Variants in GRK3 observed in about 807,000 individuals in gnomAD.
GRK3 encodes the protein adrenergic, beta, receptor kinase 2.
GRK3 carries 54 observed loss-of-function variants against 95.7 expected under a neutral mutation model. The observed-to-expected ratio is 0.56, with a 90% CI of 0.45 to 0.71. The LOEUF (loss-of-function observed/expected upper bound fraction) is 0.71. GRK3 is among the 30% of genes least tolerant of loss of function. GRK3 has a pLI of 0.00. For synonymous variants in GRK3, 281 were observed against 290.8 expected (o/e 0.97, Z 0.34); for missense variants, 649 against 851.2 (o/e 0.76, Z 2.96).
At chr22:25,693,589 A>G (rs2085182199) in intron 12 of GRK3, among the ~76,000 whole-genome samples, 3 of 152,028 alleles carry the variant, frequency 2.0e-5, no homozygotes, top group Non-Finnish European at 4.4e-5. Flanking sequence ...GGGCTGATTG[A>G]GCTTTCCAGA....
At chr22:25,701,786 C>T (rs1443023560) in intron 13 of GRK3, among the ~76,000 whole-genome samples, 1 of 152,078 alleles carries the variant, frequency 6.6e-6, no homozygotes, top group Non-Finnish European at 1.5e-5. Flanking sequence ...GGAACATCGT[C>T]GGGTGGAAAC....
intron 3 of GRK3, among the ~76,000 whole-genome samples, chr22:25,645,638 G>A (rs2084775762): frequency 6.6e-6 from 1 of 152,124 alleles, no homozygotes; most frequent in African/African-American, 2.4e-5. Context: ...CAGGATCAAA[G>A]CAGGCCAGGC....
chr22:25,592,021 A>G (rs1198412148), intron 1 of GRK3, among the ~76,000 whole-genome samples: 1 of 152,204 alleles, frequency 6.6e-6, no homozygotes, highest in African/African-American at 2.4e-5. Flanking sequence ...GATTTATCAA[A>G]TGGTAGGTGT....
chr22:25,574,449 G>A (rs917864631), intron 1 of GRK3, among the ~76,000 whole-genome samples: 1 of 152,206 alleles, frequency 6.6e-6, no homozygotes, highest in African/African-American at 2.4e-5. Flanking sequence ...CTGAAATCAT[G>A]TCACTGCACT....
At chr22:25,605,426 C>T (rs554774157) in intron 2 of GRK3, among the ~76,000 whole-genome samples, 1 of 152,144 alleles carries the variant, frequency 6.6e-6, no homozygotes, top group African/African-American at 2.4e-5. Flanking sequence ...CACAGATGTT[C>T]TCCTTTGCTT....
intron 18 of GRK3, 67 bp downstream of exon 18, chr22:25,714,637 G>C: frequency 7.0e-7 from 1 of 1,434,754 alleles, no homozygotes; most frequent in Non-Finnish European, 9.3e-7. Context: ...TTGTAAAGCT[G>C]AAAAAGTATT....
intron 2 of GRK3, among the ~76,000 whole-genome samples, chr22:25,623,080 C>G (rs1198184476): frequency 6.6e-6 from 1 of 152,058 alleles, no homozygotes; most frequent in Non-Finnish European, 1.5e-5. Flanking sequence ...TAGCTGAAAA[C>G]ACAGGTGTGT....
Position 25,631,834 on chromosome 22 carries a change from C to T in GRK3, c.191-12758C>T, listed in dbSNP as rs111887223. Reference sequence around the variant, plus strand: ...CCAGAATGTCTTATAAGTGGAATCACTTAGCATGTAACCTTTTGTTCCTTT... The same window carrying T: ...CCAGAATGTCTTATAAGTGGAATCATTTAGCATGTAACCTTTTGTTCCTTT... On this transcript the variant is annotated intron_variant, in intron 2 of 20. Transcript: ENST00000324198. Among the ~76,000 whole-genome samples the T allele has an allele frequency of 6.7e-3, 1,020 of 152,270 alleles. 18 individuals carry two copies. Among genetic ancestry groups the T allele is most frequent in the African/African-American group, 0.023 (952 of 41,542 alleles).
intron 1 of GRK3, among the ~76,000 whole-genome samples, chr22:25,597,831 GAAAAC>G (rs551623543): frequency 4.3e-4 from 65 of 152,290 alleles, no homozygotes; most frequent in African/African-American, 1.4e-3. Flanking sequence ...AGTGCTGAGA[GAAAAC>G]AAAACAAACC....
intron 1 of GRK3, among the ~76,000 whole-genome samples, chr22:25,599,024 A>G (rs1033146288): frequency 6.6e-6 from 1 of 152,124 alleles, no homozygotes; most frequent in South Asian, 2.1e-4. Context: ...ACAAAAACAA[A>G]CCAAAATCCC....
chr22:25,604,552 T>C, intron 2 of GRK3, 99 bp downstream of exon 2: 1 of 657,562 alleles, frequency 1.5e-6, no homozygotes, highest in Non-Finnish European at 2.5e-6. Flanking sequence ...CTTTATATCC[T>C]CTATAGCTGT....
At chr22:25,612,599 C>A (rs1464231245) in intron 2 of GRK3, among the ~76,000 whole-genome samples, 1 of 151,876 alleles carries the variant, frequency 6.6e-6, no homozygotes, top group Non-Finnish European at 1.5e-5. Context: ...TTCTTTGTTT[C>A]CAGTCTGGTG....
chr22:25,579,926 T>C (rs1932042522), intron 1 of GRK3, among the ~76,000 whole-genome samples: 2 of 152,190 alleles, frequency 1.3e-5, no homozygotes, highest in African/African-American at 4.8e-5. Context: ...TGATGGGGAA[T>C]TTCAGATGGA....
intron 3 of GRK3, among the ~76,000 whole-genome samples, chr22:25,647,020 C>CAAAAAAAAAAAAAA (rs1025786169): frequency 9.3e-5 from 5 of 54,006 alleles, no homozygotes; most frequent in Admixed American, 2.1e-4. Context: ...GACTTTGTCT[C>CAAAAAAAAAAAAAA]AAAAAAAAAA....
intron 2 of GRK3, among the ~76,000 whole-genome samples, chr22:25,628,339 GTT>G (rs1221019080): frequency 6.6e-6 from 1 of 152,180 alleles, no homozygotes; most frequent in Non-Finnish European, 1.5e-5. Flanking sequence ...TAACTTACAA[GTT>G]TTTCTCTGAG....
Position 25,564,777 on chromosome 22 carries a change from G to GGGGGCGGCGCGCGTGCGC in GRK3, c.-257_-240dup, listed in dbSNP as rs1931372166. 2 of 150,410 alleles carry GGGGGCGGCGCGCGTGCGC rather than the reference G, an allele frequency of 1.3e-5. No individual in the cohort carries two copies. Among genetic ancestry groups the GGGGGCGGCGCGCGTGCGC allele is most frequent in the African/African-American group, 4.9e-5 (2 of 41,140 alleles). The allele number at this position is 150,410 out of a possible 1,614,324, so 9.3% of individuals were successfully genotyped here. A position where few individuals can be genotyped will look rare whatever the true frequency, so the allele number is the denominator to read the frequency against. ...CCCGCAGACCCTCGCTGAAGGAGCA[G>GGGGGCGGCGCGCGTGCGC]GGGGCGGCGCGCGTGCGCGGGGCGC... is the stretch of plus-strand genomic sequence containing the variant. On this transcript the variant is annotated 5_prime_UTR_variant, in exon 1 of 21. Transcript: ENST00000324198.
intron 2 of GRK3, among the ~76,000 whole-genome samples, chr22:25,609,687 G>A (rs1210012888): frequency 2.0e-5 from 3 of 151,912 alleles, no homozygotes; most frequent in African/African-American, 7.3e-5. Context: ...TATAAAGAAC[G>A]TGGTAATATA....
At chr22:25,718,141 C>G in intron 18 of GRK3, 104 bp from the exon 19 acceptor site, 1 of 1,311,800 alleles carries the variant, frequency 7.6e-7, no homozygotes, top group Non-Finnish European at 1.1e-6. Flanking sequence ...TTATAGAAAC[C>G]TGCTTTTTCC....
chr22:25,624,910 G>A (rs956531184), intron 2 of GRK3, among the ~76,000 whole-genome samples: 1 of 151,392 alleles, frequency 6.6e-6, no homozygotes, highest in Non-Finnish European at 1.5e-5. Flanking sequence ...TATATTAGAT[G>A]ATGAATCTCT....
Sources: allele counts gnomAD v4.1 joint callset (sites outside exome capture counted in the v4.1 genomes callset), GRCh38; gene constraint gnomAD v4.1.1; transcripts MANE v1.5; gene names NCBI Gene and HGNC (gene_info 2026-07-23, HGNC 2026-07-21).